RAB11FIP4: variants seen among roughly 807,000 people sequenced by gnomAD.
RAB11FIP4 encodes RAB11 family interacting protein 4, also known as rab11 family-interacting protein 4.
A neutral mutation model predicts 74.3 loss-of-function variants in RAB11FIP4; 23 were observed. The observed-to-expected ratio is 0.31, with a 90% CI of 0.22 to 0.44. RAB11FIP4 has a LOEUF of 0.44. Among genes scored for constraint, RAB11FIP4 ranks in the 20% least tolerant of loss-of-function variants. The pLI, the probability that RAB11FIP4 is intolerant of heterozygous loss-of-function variation, is 1.00. For synonymous variants in RAB11FIP4, 360 were observed against 359.9 expected (o/e 1.00, Z 0.00); for missense variants, 630 against 863.9 (o/e 0.73, Z 3.39).
chr17:31,536,091 T>A lies in RAB11FIP4; in HGVS notation c.*4359T>A, dbSNP rs2072957362. On this transcript the variant is annotated 3_prime_UTR_variant, in exon 15 of 15. Transcript: ENST00000621161. ...CGGGTTCTTGGTTCCAATGAGGGAC[T>A]TAGCAGAAGCCTCCAGGGGCCAGCA... The A allele has an allele frequency of 6.6e-6, 1 of 152,004 alleles. No homozygotes were observed. The highest frequency in any genetic ancestry group is 1.5e-5 in the Non-Finnish European group (1 of 68,068). The allele number at this position is 152,004 out of a possible 1,614,324, so 9.4% of individuals were successfully genotyped here.
chr17:31,392,119 C>A, intron 1 of RAB11FIP4, 108 bp downstream of exon 1: 1 of 823,238 alleles, frequency 1.2e-6, no homozygotes, highest in Non-Finnish European at 1.6e-6. Flanking sequence ...CGGTGGCCTC[C>A]CTCCCAATCC....
chr17:31,460,406 T>C (rs1045035803), intron 3 of RAB11FIP4, among the ~76,000 whole-genome samples: 1 of 152,134 alleles, frequency 6.6e-6, no homozygotes. Flanking sequence ...TTGGACAGGT[T>C]GTGTCATCTC....
chr17:31,505,108 C>T lies in RAB11FIP4; in HGVS notation c.337-12543C>T, dbSNP rs8075972. Among the ~76,000 whole-genome samples the T allele has an allele frequency of 9.1e-4, 138 of 152,052 alleles. 2 individuals are homozygous for T. The highest frequency in any genetic ancestry group is 3.3e-3 in the African/African-American group (135 of 41,470). On this transcript the variant is annotated intron_variant, in intron 3 of 14. Transcript: ENST00000621161. ...TAGGCATCGCGTTGGGAGGCCAGCG[C>T]CTGGTTCTTTCCAATTAGTGATGCT... is the stretch of plus-strand genomic sequence containing the variant.
intron 3 of RAB11FIP4, among the ~76,000 whole-genome samples, chr17:31,461,871 C>T (rs1197167771): frequency 2.0e-5 from 3 of 152,318 alleles, no homozygotes; most frequent in Middle Eastern, 3.4e-3. Flanking sequence ...TTAACACCCT[C>T]GGAGATTCAT....
chr17:31,502,276 G>A (rs1473355765), intron 3 of RAB11FIP4, among the ~76,000 whole-genome samples: 1 of 151,776 alleles, frequency 6.6e-6, no homozygotes, highest in Non-Finnish European at 1.5e-5. Context: ...ACCATCTGTA[G>A]TTCTCTTTAA....
chr17:31,461,166 G>A (rs1422014131), intron 3 of RAB11FIP4, among the ~76,000 whole-genome samples: 1 of 150,598 alleles, frequency 6.6e-6, no homozygotes, highest in African/African-American at 2.4e-5. Flanking sequence ...AGCCCCACCT[G>A]TCTGATAAAA....
intron 1 of RAB11FIP4, among the ~76,000 whole-genome samples, chr17:31,419,590 G>A (rs6505241): frequency 0.84 from 123,958 of 148,446 alleles, 51,866 homozygotes; most frequent in Admixed American, 0.9. Context: ...TCACTCTGTC[G>A]CCCAGGCTAG....
At position 31,517,687 on chromosome 17, in the gene RAB11FIP4, G is replaced by A. The variant is rs1012675585; in HGVS notation, c.373G>A (p.Glu125Lys). Reference protein sequence around the residue: ...EVTGPTFADGELIPREPGFFP... With the variant: ...EVTGPTFADGKLIPREPGFFP... Reference sequence around the variant, plus strand: ...CACAGGCCCCACCTTTGCTGATGGCGAGCTCATCCCCAGGGAACCCGGCTT... The same window carrying A: ...CACAGGCCCCACCTTTGCTGATGGCAAGCTCATCCCCAGGGAACCCGGCTT... The change falls in exon 4 of 15, where the codon GAG (glutamate) becomes AAG (lysine). Residue 125 changes from glutamate (E) to lysine (K), a missense_variant. By Grantham distance (56) the Glu-to-Lys change is moderately conservative. Coordinates refer to ENST00000621161, the MANE Select transcript of RAB11FIP4 (RefSeq NM_032932.6). The A allele has an allele frequency of 6.8e-6, 11 of 1,607,700 alleles. No individual in the cohort carries two copies. The highest frequency in any genetic ancestry group is 2.7e-5 in the African/African-American group (2 of 74,834).
intron 3 of RAB11FIP4, among the ~76,000 whole-genome samples, chr17:31,455,641 G>GAAGCGGAGCATGCTC (rs6146030): frequency 6.6e-6 from 1 of 151,898 alleles, no homozygotes. Context: ...CAGGGAGTGG[G>GAAGCGGAGCATGCTC]TCTGCTCTGA....
intron 3 of RAB11FIP4, among the ~76,000 whole-genome samples, chr17:31,436,668 A>G (rs151181479): frequency 6.6e-5 from 10 of 152,212 alleles, no homozygotes; most frequent in African/African-American, 2.4e-4. Context: ...GCGTCAGCCT[A>G]TCTCAGCAAG....
intron 3 of RAB11FIP4, among the ~76,000 whole-genome samples, chr17:31,487,592 C>A (rs1249724633): frequency 1.3e-5 from 2 of 152,064 alleles, no homozygotes; most frequent in African/African-American, 4.8e-5. Context: ...GAAAGTCAGC[C>A]TAGGCGCCCC....
chr17:31,528,090 GTATT>G (rs755614157), intron 11 of RAB11FIP4, among the ~76,000 whole-genome samples, 167 bp downstream of exon 11: 3 of 152,182 alleles, frequency 2.0e-5, no homozygotes, highest in Non-Finnish European at 4.4e-5. Flanking sequence ...TACAGCGAAT[GTATT>G]TATTACTTTA....
intron 1 of RAB11FIP4, among the ~76,000 whole-genome samples, chr17:31,407,553 A>T (rs1211314331): frequency 6.6e-6 from 1 of 152,192 alleles, no homozygotes; most frequent in Non-Finnish European, 1.5e-5. Flanking sequence ...TCTAAGATTC[A>T]GCTCATAATC....
At chr17:31,453,337 TAG>T (rs370859448) in intron 3 of RAB11FIP4, among the ~76,000 whole-genome samples, 1 of 109,458 alleles carries the variant, frequency 9.1e-6, no homozygotes, top group Admixed American at 1.4e-4. Flanking sequence ...GCCTGTACCA[TAG>T]AGAGAGACCC....
intron 3 of RAB11FIP4, among the ~76,000 whole-genome samples, chr17:31,438,737 C>T (rs1037729953): frequency 6.6e-6 from 1 of 152,210 alleles, no homozygotes; most frequent in Admixed American, 6.5e-5. Flanking sequence ...GCCATGTTCT[C>T]TCTTGCCTCT....
At chr17:31,452,175 T>C in intron 3 of RAB11FIP4, among the ~76,000 whole-genome samples, 1 of 152,166 alleles carries the variant, frequency 6.6e-6, no homozygotes, top group Non-Finnish European at 1.5e-5. Flanking sequence ...GTGTGTCCTG[T>C]CATCCCCCAC....
chr17:31,454,282 T>G (rs1469627380), intron 3 of RAB11FIP4, among the ~76,000 whole-genome samples: 1 of 150,266 alleles, frequency 6.7e-6, no homozygotes, highest in Non-Finnish European at 1.5e-5. Flanking sequence ...AGTCTGATTC[T>G]TTTCTTTTTG....
intron 1 of RAB11FIP4, among the ~76,000 whole-genome samples, chr17:31,412,254 C>G (rs944794924): frequency 9.2e-5 from 14 of 152,152 alleles, no homozygotes; most frequent in African/African-American, 2.7e-4. Flanking sequence ...CATTTAATGT[C>G]CTGTGCAAGG....
intron 3 of RAB11FIP4, chr17:31,465,823 A>G (rs991653876): frequency 1.3e-5 from 2 of 152,056 alleles, no homozygotes; most frequent in African/African-American, 4.8e-5. Context: ...ACATCATAGC[A>G]AGACCCTGTC....
Sources: gnomAD v4.1 joint callset for allele counts (sites outside exome capture counted in the v4.1 genomes callset) on GRCh38, gnomAD v4.1.1 for gene constraint, MANE v1.5 for transcripts, NCBI Gene and HGNC (gene_info 2026-07-23, HGNC 2026-07-21) for gene names.